ADAMTS5: variants seen among roughly 807,000 people sequenced by gnomAD.
ADAMTS5 encodes the protein ADAM metallopeptidase with thrombospondin type 1 motif 5.
Under a neutral mutation model 81.4 loss-of-function variants are expected in ADAMTS5, and 54 were observed. That is an observed-to-expected ratio of 0.66 (90% confidence interval 0.53 to 0.83). The LOEUF (loss-of-function observed/expected upper bound fraction) is 0.83, where lower values mean the gene tolerates loss of function less well. Ranked by LOEUF, ADAMTS5 falls within the 40% of genes least tolerant of loss-of-function variation. The pLI is 0.00. For synonymous variants in ADAMTS5, 532 were observed against 508.8 expected, an observed-to-expected ratio of 1.05 and a Z score of -0.61; for missense variants, 1,194 against 1,229.9, an observed-to-expected ratio of 0.97 and a Z score of 0.44.
rs1986658948 is a variant in ADAMTS5, at chr21:26,919,933, AC to A, written c.*4119del. ...TTTGGTTCTATTAAAGCTTTAAATG[AC>A]CATTTCTGTACACATGGCTATTTCA... On this transcript the variant is annotated 3_prime_UTR_variant, in exon 8 of 8. Coordinates refer to ENST00000284987, the MANE Select transcript of ADAMTS5 (RefSeq NM_007038.5). The A allele has an allele frequency of 6.6e-6, 1 of 152,090 alleles. No homozygotes were observed. Among genetic ancestry groups the A allele is most frequent in the South Asian group, 2.1e-4 (1 of 4,834 alleles). The allele number at this position is 152,090 out of a possible 1,614,324, so 9.4% of individuals were successfully genotyped here.
At chr21:26,959,302 C>T (rs1987482782) in intron 1 of ADAMTS5, among the ~76,000 whole-genome samples, 1 of 152,168 alleles carries the variant, frequency 6.6e-6, no homozygotes, top group Non-Finnish European at 1.5e-5. Context: ...TCATTAACAT[C>T]AGGAGTTTGG....
chr21:26,950,282 A>G (rs976560846), intron 2 of ADAMTS5, among the ~76,000 whole-genome samples: 2 of 152,236 alleles, frequency 1.3e-5, no homozygotes, highest in East Asian at 1.9e-4. Flanking sequence ...CAACATCAAT[A>G]AAATTATTGT....
chr21:26,962,457 A>G (rs946879760), intron 1 of ADAMTS5, among the ~76,000 whole-genome samples: 4 of 152,230 alleles, frequency 2.6e-5, no homozygotes, highest in African/African-American at 9.7e-5. Context: ...AGTGCTGGGT[A>G]CAGTCCTGAC....
intron 3 of ADAMTS5, among the ~76,000 whole-genome samples, chr21:26,940,664 G>C (rs1311506890): frequency 6.6e-6 from 1 of 152,112 alleles, no homozygotes; most frequent in Non-Finnish European, 1.5e-5. Context: ...TAATAAATGG[G>C]CTCTGAGTGG....
intron 3 of ADAMTS5, among the ~76,000 whole-genome samples, chr21:26,937,034 TG>T (rs1987026658): frequency 1.3e-5 from 2 of 152,316 alleles, no homozygotes; most frequent in South Asian, 4.1e-4. Flanking sequence ...ACCATAAGAC[TG>T]GGTAACTAAA....
chr21:26,931,286 C>A lies in ADAMTS5; in HGVS notation c.2049+718G>T, dbSNP rs534490307. 3.9e-4 allele frequency among the ~76,000 whole-genome samples: 59 copies of A among 152,270 alleles called. 3 individuals carry two copies. In the South Asian group the frequency reaches 0.012, roughly 30 times the overall value. ...GGTCTTGATCTCCTGACCTTGTGATCTGCCCGCCTCAGCTTCCCAAAGTGC... is the reference window on the plus strand; with the variant it reads ...GGTCTTGATCTCCTGACCTTGTGATATGCCCGCCTCAGCTTCCCAAAGTGC... On this transcript the variant is annotated intron_variant, in intron 6 of 7. Transcript: ENST00000284987.
intron 3 of ADAMTS5, 128 bp from the exon 4 acceptor site, chr21:26,934,877 G>T: frequency 7.9e-7 from 1 of 1,259,094 alleles, no homozygotes; most frequent in Non-Finnish European, 1.1e-6. Context: ...GTAGTGTAAT[G>T]CTCTGGAGAG....
intron 1 of ADAMTS5, among the ~76,000 whole-genome samples, chr21:26,964,690 G>A (rs1987602254): frequency 1.3e-5 from 2 of 152,140 alleles, no homozygotes; most frequent in South Asian, 4.1e-4. Context: ...TCCTTCCCAG[G>A]AACTGAGATT....
intron 2 of ADAMTS5, among the ~76,000 whole-genome samples, chr21:26,950,877 TG>T (rs558698739): frequency 1.3e-5 from 2 of 151,752 alleles, no homozygotes; most frequent in Non-Finnish European, 2.9e-5. Flanking sequence ...TTTTTTTAGG[TG>T]GGGGGCTCAC....
At chr21:26,943,588 G>C in intron 2 of ADAMTS5, 41 bp from the exon 3 acceptor site, 1 of 1,563,802 alleles carries the variant, frequency 6.4e-7, no homozygotes, top group Non-Finnish European at 8.7e-7. Flanking sequence ...ATCCGTGATT[G>C]TGTATTTCTA....
chr21:26,965,609 G>A lies in ADAMTS5; in HGVS notation c.783C>T (p.Arg261=), dbSNP rs374945461. The A allele has an allele frequency of 6.3e-7, 1 of 1,599,698 alleles. No homozygotes were observed. The highest frequency in any genetic ancestry group is 1.7e-5 in the Admixed American group (1 of 59,138). ...GPQTWWRRRR[R]SISRARQVEL... ...CCACCTGGCGGGCCCGGGAGATGGA[G>A]CGGCGCCGCCGCCGCCACCACGTCT... is the stretch of plus-strand genomic sequence containing the variant. The change falls in exon 1 of 8, where the codon CGC becomes CGT. Residue 261 remains arginine (R), a synonymous_variant. Coordinates refer to ENST00000284987, the MANE Select transcript of ADAMTS5 (RefSeq NM_007038.5).
intron 2 of ADAMTS5, among the ~76,000 whole-genome samples, chr21:26,952,671 T>A (rs979958556): frequency 6.6e-6 from 1 of 152,218 alleles, no homozygotes; most frequent in Non-Finnish European, 1.5e-5. Context: ...CTTTTGAAGA[T>A]CAAGATTTGG....
intron 1 of ADAMTS5, among the ~76,000 whole-genome samples, chr21:26,958,318 T>C (rs150609054): frequency 7.2e-5 from 11 of 152,214 alleles, no homozygotes; most frequent in South Asian, 2.1e-4. Flanking sequence ...CTATAGATCT[T>C]ACCCCTTGGT....
intron 3 of ADAMTS5, among the ~76,000 whole-genome samples, chr21:26,939,449 T>A (rs1341032843): frequency 6.6e-6 from 1 of 152,218 alleles, no homozygotes; most frequent in Non-Finnish European, 1.5e-5. Flanking sequence ...AATGCCACCT[T>A]AAAAACTGAT....
intron 1 of ADAMTS5, among the ~76,000 whole-genome samples, chr21:26,956,616 G>A (rs970692893): frequency 7.9e-5 from 12 of 152,146 alleles, no homozygotes; most frequent in Non-Finnish European, 1.8e-4. Flanking sequence ...CCTAGGTCAT[G>A]CCTTAAGGGA....
At chr21:26,940,104 C>T (rs558533965) in intron 3 of ADAMTS5, among the ~76,000 whole-genome samples, 2 of 152,264 alleles carry the variant, frequency 1.3e-5, no homozygotes, top group Admixed American at 1.3e-4. Flanking sequence ...TGTCCAGCTA[C>T]TTATGGCTAA....
chr21:26,921,923 G>C lies in ADAMTS5; in HGVS notation c.*2130C>G, dbSNP rs556229975. 1 of 152,096 alleles carries C rather than the reference G, an allele frequency of 6.6e-6. No individual in the cohort carries two copies. Among genetic ancestry groups the C allele is most frequent in the African/African-American group, 2.4e-5 (1 of 41,496 alleles). 9.4% of individuals were successfully genotyped at this position (152,096 alleles called of 1,614,324 possible). A position where few individuals can be genotyped will look rare whatever the true frequency, so the allele number is the denominator to read the frequency against. ...GCCTCGAGTATTTTTTAATGTTGTTGGGAATATAACCACAAAAAATAAAAA... is the reference window on the plus strand; with the variant it reads ...GCCTCGAGTATTTTTTAATGTTGTTCGGAATATAACCACAAAAAATAAAAA... On this transcript the variant is annotated 3_prime_UTR_variant, in exon 8 of 8. Coordinates refer to ENST00000284987, the MANE Select transcript of ADAMTS5 (RefSeq NM_007038.5).
chr21:26,932,959 C>T lies in ADAMTS5; in HGVS notation c.1775G>A (p.Arg592His), dbSNP rs929547774. 8.1e-6 allele frequency: 13 copies of T among 1,613,848 alleles called. No individual in the cohort carries two copies. The highest frequency in any genetic ancestry group is 2.2e-5 in the East Asian group (1 of 44,860). ...SCGGGVQFAY[R>H]HCNNPAPRNN... ...TCTGGGAGCAGGGTTATTACAGTGA[C>T]GATAGGCAAACTGCACTCCTCCTCC... The change falls in exon 5 of 8, where the codon CGT becomes CAT. Residue 592 changes from arginine (R) to histidine (H), a missense_variant. Transcript: ENST00000284987.
chr21:26,962,514 TG>T (rs1987548308), intron 1 of ADAMTS5, among the ~76,000 whole-genome samples: 1 of 152,252 alleles, frequency 6.6e-6, no homozygotes, highest in South Asian at 2.1e-4. Context: ...TCTATTCTGC[TG>T]ACTTCCAGAT....
Sources: gnomAD v4.1 joint callset for allele counts (sites outside exome capture counted in the v4.1 genomes callset) on GRCh38, gnomAD v4.1.1 for gene constraint, MANE v1.5 for transcripts, NCBI Gene and HGNC (gene_info 2026-07-23, HGNC 2026-07-21) for gene names.